XRCC2: variants seen among roughly 807,000 people sequenced by gnomAD.
XRCC2 encodes DNA repair protein XRCC2.
In XRCC2, 24 loss-of-function variants were observed where a neutral mutation model predicts 27.3. The observed-to-expected ratio is 0.88, with a 90% CI of 0.64 to 1.24. XRCC2 has a LOEUF of 1.24. Ranked by LOEUF, XRCC2 falls within the 50% of genes most tolerant of loss-of-function variation. XRCC2 has a pLI of 0.00. For missense variants in XRCC2, 321 were observed against 325.8 expected (o/e 0.99, Z 0.11); for synonymous variants, 106 against 115.4 (o/e 0.92, Z 0.52).
rs918166043 is a variant in XRCC2 at position 152,656,396 on chromosome 7, C to CA, written c.121+4304dup. Among the ~76,000 whole-genome samples the CA allele has an allele frequency of 2.1e-4, 31 of 150,422 alleles. No individual in the cohort carries two copies. The South Asian group carries it at 2.1e-3, about 10-fold the overall frequency. On this transcript the variant is annotated intron_variant, in intron 2 of 2. Coordinates refer to ENST00000359321, the MANE Select transcript of XRCC2 (RefSeq NM_005431.2). ...GATGAGACAGAGCAAGACTCTATCT[C>CA]AAAAAAAAAGTTTACAATGGCATTG...
At position 152,660,706 on chromosome 7, in the gene XRCC2, A is replaced by G. The variant is rs757019795; in HGVS notation, c.116T>C (p.Val39Ala). ...PNLFADEDSP[V>A]HGDILEFHGP... Reference sequence around the variant, plus strand: ...ATAAAGGTTGTATTTTTTACCATGCACAGGTGAATCTTCATCAGCAAACAG... The same window carrying G: ...ATAAAGGTTGTATTTTTTACCATGCGCAGGTGAATCTTCATCAGCAAACAG... The change falls in exon 2 of 3, where the codon GTG becomes GCG. Residue 39 changes from valine (V) to alanine (A), a missense_variant. By Grantham distance (64) the Val-to-Ala change is moderately conservative (BLOSUM62 0). Coordinates refer to ENST00000359321, the MANE Select transcript of XRCC2 (RefSeq NM_005431.2). 10 of 1,610,040 alleles carry G rather than the reference A, an allele frequency of 6.2e-6. No individual in the cohort carries two copies. The South Asian group carries it at 1.1e-4, about 18-fold the overall frequency.
intron 1 of XRCC2, among the ~76,000 whole-genome samples, chr7:152,661,134 C>CA (rs1186194739): frequency 6.6e-6 from 1 of 151,536 alleles, no homozygotes; most frequent in Admixed American, 6.6e-5. Context: ...GGCCCTATCT[C>CA]AAAAAAAATT....
At chr7:152,655,517 T>C (rs2098030345) in intron 2 of XRCC2, among the ~76,000 whole-genome samples, 1 of 152,142 alleles carries the variant, frequency 6.6e-6, no homozygotes, top group African/African-American at 2.4e-5. Context: ...AAGACCATCC[T>C]GGGCAACATG....
At chr7:152,659,050 G>T (rs1040353224) in intron 2 of XRCC2, among the ~76,000 whole-genome samples, 7 of 151,958 alleles carry the variant, frequency 4.6e-5, no homozygotes, top group Non-Finnish European at 1.5e-5. Context: ...CCTCCATACT[G>T]TTTTCCATAA....
In XRCC2 at chr7:152,658,970, C is replaced by A. The variant is rs141488156; in HGVS notation, c.121+1731G>T. 6.9e-3 allele frequency among the ~76,000 whole-genome samples: 1,045 copies of A among 152,286 alleles called. 8 individuals are homozygous for A. The highest frequency in any genetic ancestry group is 0.024 in the Middle Eastern group (7 of 294). On this transcript the variant is annotated intron_variant, in intron 2 of 2. Transcript: ENST00000359321. ...TTTCTCCAAGATCCTACTTTCAATT[C>A]TTTTGGATGAATACCCAGAAGTGAG...
rs771932333 is a variant in XRCC2, at chr7:152,648,618, CAA to C, written c.*22_*23del. On this transcript the variant is annotated 3_prime_UTR_variant, in exon 3 of 3. Transcript: ENST00000359321. ...ATTTTAAGGCTTGCGTAGTACCCTG[CAA>C]AAGACTATTTTATGATGTATATCAA... 1 of 1,561,226 alleles carries C rather than the reference CAA, an allele frequency of 6.4e-7. No individual in the cohort carries two copies. The highest frequency in any genetic ancestry group is 8.6e-7 in the Non-Finnish European group (1 of 1,159,698).
chr7:152,669,936 TA>T (rs78706535), intron 1 of XRCC2, among the ~76,000 whole-genome samples: 2,109 of 133,568 alleles, frequency 0.016, 24 homozygotes, highest in African/African-American at 0.044. Context: ...CAAAAGGCTG[TA>T]AAAAAAAAAA....
intron 2 of XRCC2, among the ~76,000 whole-genome samples, chr7:152,660,436 A>C (rs1285026212): frequency 6.6e-6 from 1 of 152,242 alleles, no homozygotes; most frequent in Non-Finnish European, 1.5e-5. Flanking sequence ...CATAAACTAT[A>C]ATAACAGGAC....
At chr7:152,653,942 TC>T (rs963722770) in intron 2 of XRCC2, among the ~76,000 whole-genome samples, 1 of 152,122 alleles carries the variant, frequency 6.6e-6, no homozygotes, top group African/African-American at 2.4e-5. Flanking sequence ...ACGCCTGTAA[TC>T]CCAGTACTTT....
chr7:152,674,791 T>TA (rs2098040175), intron 1 of XRCC2, among the ~76,000 whole-genome samples: 1 of 11,242 alleles, frequency 8.9e-5, no homozygotes, highest in South Asian at 6.7e-3. Flanking sequence ...AATATATATA[T>TA]ATCTATGGTT....
chr7:152,663,939 C>G (rs2098034480), intron 1 of XRCC2: 1 of 151,946 alleles, frequency 6.6e-6, no homozygotes, highest in Non-Finnish European at 1.5e-5. Flanking sequence ...CAGTGTTAGG[C>G]CAACCTGGAA....
intron 2 of XRCC2, 22 bp downstream of exon 2, chr7:152,660,678 TA>T: frequency 1.3e-6 from 2 of 1,583,264 alleles, no homozygotes; most frequent in Non-Finnish European, 1.7e-6. Context: ...TGCATTTATT[TA>T]TATAAAGGTT....
At chr7:152,662,775 A>G (rs1002725690) in intron 1 of XRCC2, among the ~76,000 whole-genome samples, 4 of 150,804 alleles carry the variant, frequency 2.7e-5, no homozygotes, top group African/African-American at 7.3e-5. Flanking sequence ...GGGTTTCACC[A>G]TTTTAGCCGG....
chr7:152,660,590 C>G, intron 2 of XRCC2, 111 bp downstream of exon 2: 1 of 807,652 alleles, frequency 1.2e-6, no homozygotes, highest in Non-Finnish European at 1.8e-6. Flanking sequence ...TCCAATTGTA[C>G]AGTTTAACCT....
At chr7:152,671,480 A>G (rs1048472093) in intron 1 of XRCC2, among the ~76,000 whole-genome samples, 1 of 152,102 alleles carries the variant, frequency 6.6e-6, no homozygotes, top group African/African-American at 2.4e-5. Context: ...GCATAGTCAC[A>G]TTACAATCAC....
chr7:152,660,814 A>G (rs377324656), intron 1 of XRCC2, 32 bp from the exon 2 acceptor site: 1 of 1,531,768 alleles, frequency 6.5e-7, no homozygotes, highest in Non-Finnish European at 8.9e-7. Context: ...AAAACTCATT[A>G]TTTAAAAATA....
chr7:152,655,395 C>G (rs1386818992), intron 2 of XRCC2, among the ~76,000 whole-genome samples: 1 of 152,110 alleles, frequency 6.6e-6, no homozygotes, highest in Non-Finnish European at 1.5e-5. Context: ...TGAATAACTC[C>G]TATCCAAAAA....
In XRCC2 at chr7:152,676,100, GGAGA is replaced by G; in HGVS notation, c.-25_-22del. On this transcript the variant is annotated 5_prime_UTR_variant, in exon 1 of 3. Transcript: ENST00000359321. ...CACATCGCCCCGAAGGCTCGGCGCA[GGAGA>G]GACTCAACTTTCCCGCCACCAACGC... 1 of 1,613,692 alleles carries G rather than the reference GGAGA, an allele frequency of 6.2e-7. No homozygotes were observed. Among genetic ancestry groups the G allele is most frequent in the Non-Finnish European group, 8.5e-7 (1 of 1,179,782 alleles).
Position 152,646,186 on chromosome 7 carries a change from A to C in XRCC2, c.*2456T>G, listed in dbSNP as rs533722153. The C allele has an allele frequency of 6.6e-6, 1 of 152,246 alleles. No homozygotes were observed. Among genetic ancestry groups the C allele is most frequent in the South Asian group, 2.1e-4 (1 of 4,822 alleles). 9.4% of individuals were successfully genotyped at this position (152,246 alleles called of 1,614,324 possible). On this transcript the variant is annotated 3_prime_UTR_variant, in exon 3 of 3. Transcript: ENST00000359321. ...GGTGCAGACCCTTTATCAATGTCTA[A>C]TGTTGATACTTTTCCCCTTCTCCCG...
Sources: gnomAD v4.1 joint callset for allele counts (sites outside exome capture counted in the v4.1 genomes callset) on GRCh38, gnomAD v4.1.1 for gene constraint, MANE v1.5 for transcripts, NCBI Gene and HGNC (gene_info 2026-07-23, HGNC 2026-07-21) for gene names.